FAAH2: variants seen among roughly 807,000 people sequenced by gnomAD.
FAAH2 encodes fatty acid amide hydrolase 2.
A neutral mutation model predicts 36.9 loss-of-function variants in FAAH2; 60 were observed. The observed-to-expected ratio is 1.63, with a 90% CI of 1.32 to 2.02. The LOEUF (loss-of-function observed/expected upper bound fraction) is 2.02, where lower values mean the gene tolerates loss of function less well. Among genes scored for constraint, FAAH2 ranks in the 30% most tolerant of loss-of-function variants. The pLI, the probability that FAAH2 is intolerant of heterozygous loss-of-function variation, is 0.00. For synonymous variants in FAAH2, 214 were observed against 143.8 expected (o/e 1.49, Z -3.49); for missense variants, 689 against 397.5 (o/e 1.73, Z -6.23).
the FAAH2 span, among the ~76,000 whole-genome samples, chrX:57,178,235 T>C: frequency 2.7e-5 from 3 of 112,257 alleles, no homozygotes; most frequent in Non-Finnish European, 3.8e-5. Flanking sequence ...CTAGTAGTAA[T>C]GTACTGGGCA....
intron 10 of FAAH2, among the ~76,000 whole-genome samples, chrX:57,465,848 T>C (rs957742643): frequency 9.1e-6 from 1 of 110,295 alleles, no homozygotes; most frequent in Non-Finnish European, 1.9e-5. Context: ...AATTATTAAA[T>C]GGTATGTTTT....
At chrX:57,215,363 G>A in the FAAH2 span, among the ~76,000 whole-genome samples, 1 of 111,737 alleles carries the variant, frequency 8.9e-6, no homozygotes, top group Non-Finnish European at 1.9e-5. Flanking sequence ...TTACACTGTT[G>A]GTGGGAATGT....
intron 5 of FAAH2, among the ~76,000 whole-genome samples, chrX:57,349,361 T>G (rs1288012064): frequency 2.0e-5 from 2 of 98,218 alleles, no homozygotes; most frequent in African/African-American, 7.2e-5. Context: ...ATATATATTT[T>G]AAATGTTTTA....
chrX:57,303,053 G>A (rs954652166), intron 2 of FAAH2, among the ~76,000 whole-genome samples: 2 of 110,749 alleles, frequency 1.8e-5, no homozygotes, highest in African/African-American at 6.6e-5. Context: ...CTGAAGTTTG[G>A]GCAATGCTAA....
At chrX:57,299,176 C>A (rs1179659377) in intron 2 of FAAH2, among the ~76,000 whole-genome samples, 2 of 111,908 alleles carry the variant, frequency 1.8e-5, no homozygotes, top group East Asian at 5.6e-4. Context: ...AGACCAATAT[C>A]CTTGATGAAC....
At chrX:57,242,546 C>T in the FAAH2 span, among the ~76,000 whole-genome samples, 1 of 111,679 alleles carries the variant, frequency 9.0e-6, no homozygotes, top group Non-Finnish European at 1.9e-5. Context: ...TCTGCATTTC[C>T]AACTGAGTTA....
chrX:57,295,852 C>G (rs1273157962), intron 2 of FAAH2, among the ~76,000 whole-genome samples: 1 of 112,518 alleles, frequency 8.9e-6, no homozygotes, highest in African/African-American at 3.2e-5. Context: ...CGGAGCCTCA[C>G]TCATTGCTAG....
chrX:57,372,576 C>A (rs988108027), intron 5 of FAAH2, among the ~76,000 whole-genome samples: 12 of 110,450 alleles, frequency 1.1e-4, no homozygotes, highest in Admixed American at 9.7e-4. Flanking sequence ...TTGAAAAATT[C>A]TTTTATTAGT....
At chrX:57,312,033 A>G (rs1412828930) in intron 3 of FAAH2, among the ~76,000 whole-genome samples, 1 of 112,220 alleles carries the variant, frequency 8.9e-6, no homozygotes, top group African/African-American at 3.2e-5. Flanking sequence ...GTGGGTCCAT[A>G]GAGTGTGGCA....
At chrX:57,275,473 C>A in the FAAH2 span, among the ~76,000 whole-genome samples, 1 of 111,813 alleles carries the variant, frequency 8.9e-6, no homozygotes, top group African/African-American at 3.3e-5. Flanking sequence ...CAAAAACACG[C>A]CAAATTGTAA....
At chrX:57,423,051 C>T (rs1049974734) in intron 7 of FAAH2, among the ~76,000 whole-genome samples, 1 of 111,519 alleles carries the variant, frequency 9.0e-6, no homozygotes, top group East Asian at 2.8e-4. Context: ...ATCCAGGCCA[C>T]GAGGGAGCTC....
At chrX:57,332,102 A>G (rs750768936) in intron 4 of FAAH2, among the ~76,000 whole-genome samples, 2 of 112,489 alleles carry the variant, frequency 1.8e-5, no homozygotes, top group African/African-American at 6.4e-5. Flanking sequence ...AAAAAAGTGT[A>G]TAGACACTAG....
chrX:57,173,092 C>T, the FAAH2 span, among the ~76,000 whole-genome samples: 1 of 112,094 alleles, frequency 8.9e-6, no homozygotes, highest in Non-Finnish European at 1.9e-5. Flanking sequence ...ACACCCTTCT[C>T]TACCCTGAAT....
chrX:57,123,151 C>T, the FAAH2 span, among the ~76,000 whole-genome samples: 1 of 111,237 alleles, frequency 9.0e-6, no homozygotes, highest in African/African-American at 3.3e-5. Flanking sequence ...ATCCCTCTCC[C>T]CTACCCCCAC....
the FAAH2 span, among the ~76,000 whole-genome samples, chrX:57,274,176 C>T: frequency 8.1e-5 from 9 of 111,472 alleles, no homozygotes; most frequent in Non-Finnish European, 1.7e-4. Flanking sequence ...TGGATAAATC[C>T]CTGGACACAT....
At chrX:57,158,212 C>T in the FAAH2 span, among the ~76,000 whole-genome samples, 17 of 111,770 alleles carry the variant, frequency 1.5e-4, no homozygotes, top group East Asian at 2.8e-4. Flanking sequence ...TATTCCATGG[C>T]GTATATGTGC....
intron 7 of FAAH2, among the ~76,000 whole-genome samples, chrX:57,392,251 G>T (rs770465396): frequency 9.0e-6 from 1 of 111,425 alleles, no homozygotes; most frequent in African/African-American, 3.3e-5. Context: ...AGCAAGCAGA[G>T]ATAACATGAC....
intron 5 of FAAH2, among the ~76,000 whole-genome samples, chrX:57,373,396 T>TC (rs1555987100): frequency 9.1e-6 from 1 of 110,437 alleles, no homozygotes; most frequent in Non-Finnish European, 1.9e-5. Context: ...CATCTTTTTT[T>TC]TTTTTATTTG....
intron 4 of FAAH2, among the ~76,000 whole-genome samples, chrX:57,334,304 G>A (rs182889864): frequency 0.022 from 412 of 18,984 alleles, no homozygotes; most frequent in Admixed American, 0.044. Flanking sequence ...ACACAAAGAT[G>A]GGAGTCAAAT....
Sources: allele counts gnomAD v4.1 joint callset (sites outside exome capture counted in the v4.1 genomes callset), GRCh38; gene constraint gnomAD v4.1.1; transcripts MANE v1.5; gene names NCBI Gene and HGNC (gene_info 2026-07-23, HGNC 2026-07-21).